MCFD2: variants seen among roughly 807,000 people sequenced by gnomAD.
MCFD2 encodes multiple coagulation factor deficiency protein 2.
Under a neutral mutation model 12.8 loss-of-function variants are expected in MCFD2, and 11 were observed. The observed-to-expected ratio is 0.86, with a 90% CI of 0.54 to 1.42. The LOEUF (loss-of-function observed/expected upper bound fraction) is 1.42, where lower values mean the gene tolerates loss of function less well. Ranked by LOEUF, MCFD2 falls within the 40% of genes most tolerant of loss-of-function variation. The pLI, the probability that MCFD2 is intolerant of heterozygous loss-of-function variation, is 0.00. For missense variants in MCFD2, 191 were observed against 178.6 expected (o/e 1.07, Z -0.40); for synonymous variants, 70 against 68.1 (o/e 1.03, Z -0.14).
intron 1 of MCFD2, among the ~76,000 whole-genome samples, chr2:46,909,855 A>G (rs1157254769): frequency 3.9e-5 from 6 of 152,198 alleles, no homozygotes; most frequent in African/African-American, 1.4e-4. Flanking sequence ...CTGCAGAGAA[A>G]GACAGGAGAG....
At chr2:46,916,610 T>G (rs969441006), upstream of MCFD2, 1 of 157,498 alleles carries the variant, frequency 6.3e-6, no homozygotes, top group African/African-American at 2.4e-5. Flanking sequence ...GATAAATGAG[T>G]GTAGGACGGT....
chr2:46,907,905 A>G lies in MCFD2; in HGVS notation c.214T>C (p.Leu72=), dbSNP rs767997604. The change falls in exon 3 of 4, where the codon TTG becomes CTG. Residue 72 remains leucine, a synonymous_variant. Coordinates refer to ENST00000319466, the MANE Select transcript of MCFD2 (RefSeq NM_139279.6). The surrounding 1 kb of genome is among the most constrained non-coding windows in gnomAD (Gnocchi z 4.1). ...TGCATTTTGAAGTAATGGAGCTGCA[A>G]TTCTTGTGGCGACATCTCCGCCTCT... The part of the protein sequence containing the change: ...KPEAEMSPQE[L]QLHYFKMHDY... 5.6e-6 allele frequency: 9 copies of G among 1,614,098 alleles called. No homozygotes were observed. Among genetic ancestry groups the G allele is most frequent in the Non-Finnish European group, 5.1e-6 (6 of 1,180,046 alleles).
chr2:46,925,239 C>T (rs867032121), intron 1 of MCFD2, among the ~76,000 whole-genome samples: 123 of 152,214 alleles, frequency 8.1e-4, no homozygotes, highest in African/African-American at 2.6e-3. Flanking sequence ...TACCGGCATG[C>T]ACCACCACAC....
chr2:46,927,530 T>G (rs1669453739), intron 1 of MCFD2, among the ~76,000 whole-genome samples: 2 of 151,420 alleles, frequency 1.3e-5, no homozygotes, highest in African/African-American at 4.9e-5. Flanking sequence ...CTAATTTTGT[T>G]TTTGTGTTTT....
At chr2:46,909,245 A>C (rs1417484849) in intron 1 of MCFD2, 68 bp from the exon 2 acceptor site, 1 of 1,532,846 alleles carries the variant, frequency 6.5e-7, no homozygotes, top group East Asian at 2.4e-5. Flanking sequence ...AGGGCTTGAC[A>C]TGGTATGATC....
At chr2:46,933,377 TA>T (rs1437155345) in intron 1 of MCFD2, among the ~76,000 whole-genome samples, 1 of 152,172 alleles carries the variant, frequency 6.6e-6, no homozygotes, top group Non-Finnish European at 1.5e-5. Context: ...ATTCTAAAAT[TA>T]ATATAACAAA....
rs1663132196 is a variant in MCFD2 at position 46,904,187 on chromosome 2, C to G, written c.*1276G>C. On this transcript the variant is annotated 3_prime_UTR_variant, in exon 4 of 4. Coordinates refer to ENST00000319466, the MANE Select transcript of MCFD2 (RefSeq NM_139279.6). The stretch of plus-strand genomic sequence containing the variant: ...AAGATGTATGGAAATGCCTCAATGC[C>G]CAGGCAAACGTTTGCTGCAGGGGAG... 6.6e-6 allele frequency: 1 copy of G among 152,252 alleles called. No homozygotes were observed. The highest frequency in any genetic ancestry group is 1.5e-5 in the Non-Finnish European group (1 of 68,076). The allele number at this position is 152,252 out of a possible 1,614,324, so 9.4% of individuals were successfully genotyped here. A position where few individuals can be genotyped will look rare whatever the true frequency, so the allele number is the denominator to read the frequency against.
upstream of MCFD2, among the ~76,000 whole-genome samples, chr2:46,920,456 A>C (rs1256998331): frequency 6.6e-6 from 1 of 151,902 alleles, no homozygotes; most frequent in Non-Finnish European, 1.5e-5. Context: ...CAGCCTCCCA[A>C]GTTGCTGGGA....
rs920619005 is a variant in MCFD2, at chr2:46,907,373, T to A, written c.309+437A>T. ...CAGAAGAGAAAGAAGCAGCAGCACC[T>A]TTTTTTTTCTTTTCTTTTTTTCTCT... On this transcript the variant is annotated intron_variant, in intron 3 of 3. Coordinates refer to ENST00000319466, the MANE Select transcript of MCFD2 (RefSeq NM_139279.6). The surrounding 1 kb of genome is among the most constrained non-coding windows in gnomAD (Gnocchi z 4.1). The A allele has an allele frequency of 1.6e-5, 3 of 184,660 alleles. No individual in the cohort carries two copies. The South Asian group carries it at 2.7e-4, about 17-fold the overall frequency. 11.4% of individuals were successfully genotyped at this position (184,660 alleles called of 1,614,324 possible).
intron 1 of MCFD2, among the ~76,000 whole-genome samples, chr2:46,931,982 A>T (rs1669730491): frequency 6.6e-6 from 1 of 152,222 alleles, no homozygotes; most frequent in Admixed American, 6.5e-5. Context: ...CACCATATTA[A>T]TGGATCTAAG....
chr2:46,927,816 G>C (rs898743216), intron 1 of MCFD2, among the ~76,000 whole-genome samples: 2 of 145,340 alleles, frequency 1.4e-5, no homozygotes, highest in Non-Finnish European at 3.0e-5. Flanking sequence ...AACGTGAGAA[G>C]ACATTTTTAG....
In MCFD2 at chr2:46,907,795, C is replaced by T; in HGVS notation, c.309+15G>A. ...CTTTCTGTGATACAGTCCCCCAAGC[C>T]ACTGCCAGACCTACCTCCTTATGGA... On this transcript the variant is annotated intron_variant, in intron 3 of 3. Transcript: ENST00000319466. The surrounding 1 kb of genome is among the most constrained non-coding windows in gnomAD (Gnocchi z 4.1). The T allele has an allele frequency of 6.2e-7, 1 of 1,613,834 alleles. No homozygotes were observed. Among genetic ancestry groups the T allele is most frequent in the Non-Finnish European group, 8.5e-7 (1 of 1,179,832 alleles).
In MCFD2 at chr2:46,913,191, A is replaced by G. The variant is rs761403911; in HGVS notation, c.-7+2532T>C. On this transcript the variant is annotated intron_variant, in intron 1 of 3. Transcript: ENST00000319466. ...GCTGTTGCAGGTTTCTAATCATTGG[A>G]ATGCAACAAAAGCCAAATCGATAAA... Among the ~76,000 whole-genome samples the G allele has an allele frequency of 4.6e-5, 7 of 152,324 alleles. No homozygotes were observed. The East Asian group carries it at 1.4e-3, about 29-fold the overall frequency.
intron 3 of MCFD2, among the ~76,000 whole-genome samples, chr2:46,906,437 G>GCA (rs879411102): frequency 3.3e-5 from 5 of 151,088 alleles, no homozygotes; most frequent in Non-Finnish European, 7.4e-5. Flanking sequence ...AGGGCAGTGT[G>GCA]GCAGAAGGGG....
At chr2:46,934,450 G>C (rs1465026892) in intron 1 of MCFD2, among the ~76,000 whole-genome samples, 1 of 152,060 alleles carries the variant, frequency 6.6e-6, no homozygotes, top group Non-Finnish European at 1.5e-5. Flanking sequence ...GTAGAGACAG[G>C]GTTTTGCCAT....
chr2:46,907,832 G>T lies in MCFD2; in HGVS notation c.287C>A (p.Ala96Asp). The change falls in exon 3 of 4, where the codon GCC (alanine) becomes GAC (aspartate). Residue 96 changes from alanine (A) to aspartate (D), a missense_variant. Physicochemically the swap from Ala to Asp is moderately radical, Grantham distance 126. Coordinates refer to ENST00000319466, the MANE Select transcript of MCFD2 (RefSeq NM_139279.6). This position sits in a 1 kb window ranked among gnomAD's most constrained non-coding sequence, Gnocchi z 4.1. The part of the protein sequence containing the change: ...NLLDGLELST[A>D]ITHVHKEEGS... ...TACCTCCTTATGGACATGAGTGATG[G>T]CTGTGGAGAGTTCTAAGCCATCAAG... is the stretch of plus-strand genomic sequence containing the variant. 6.2e-7 allele frequency: 1 copy of T among 1,614,156 alleles called. No individual in the cohort carries two copies. Among genetic ancestry groups the T allele is most frequent in the Non-Finnish European group, 8.5e-7 (1 of 1,180,028 alleles).
upstream of MCFD2, chr2:46,916,586 C>G (rs1668800959): frequency 6.5e-6 from 1 of 154,144 alleles, no homozygotes; most frequent in African/African-American, 2.4e-5. Context: ...CAGTAAGTAT[C>G]CATTGACCTG....
intron 1 of MCFD2, among the ~76,000 whole-genome samples, chr2:46,911,050 GGGTGCTAAAAA>G: frequency 6.6e-6 from 1 of 152,282 alleles, no homozygotes; most frequent in South Asian, 2.1e-4. Context: ...GAAACTTCCA[GGGTGCTAAAAA>G]GCACCTAGAA....
At position 46,907,632 on chromosome 2, in the gene MCFD2, A is replaced by G. The variant is rs537610308; in HGVS notation, c.309+178T>C. On this transcript the variant is annotated intron_variant, in intron 3 of 3. Coordinates refer to ENST00000319466, the MANE Select transcript of MCFD2 (RefSeq NM_139279.6). This position sits in a 1 kb window ranked among gnomAD's most constrained non-coding sequence, Gnocchi z 4.1. Reference sequence around the variant, plus strand: ...AGGCTGGTCTTGAACTCCTGGCTCAAGTGATCCTTCCACTTTGGCCTCCCA... The same window carrying G: ...AGGCTGGTCTTGAACTCCTGGCTCAGGTGATCCTTCCACTTTGGCCTCCCA... The G allele has an allele frequency of 4.1e-5, 28 of 680,734 alleles. No homozygotes were observed. The South Asian group carries it at 4.5e-4, about 11-fold the overall frequency. The allele number at this position is 680,734 out of a possible 1,614,324, so 42.2% of individuals were successfully genotyped here. A position where few individuals can be genotyped will look rare whatever the true frequency, so the allele number is the denominator to read the frequency against.
Sources: gnomAD v4.1 joint callset for allele counts (sites outside exome capture counted in the v4.1 genomes callset) on GRCh38, gnomAD v4.1.1 for gene constraint, Gnocchi (gnomAD v3.1) non-coding constraint, MANE v1.5 for transcripts, NCBI Gene and HGNC (gene_info 2026-07-23, HGNC 2026-07-21) for gene names.